Variants in TNIK observed in about 807,000 individuals in gnomAD.
TNIK encodes the protein TRAF2 and NCK interacting kinase.
Under a neutral mutation model 191.3 loss-of-function variants are expected in TNIK, and 49 were observed. The ratio of observed to expected loss-of-function variants is 0.26; its 90% CI spans 0.20 to 0.32. The LOEUF (loss-of-function observed/expected upper bound fraction) is 0.32, where lower values mean the gene tolerates loss of function less well. TNIK is among the 10% of genes least tolerant of loss of function. The pLI is 1.00. For synonymous variants in TNIK, 594 were observed against 600.9 expected (o/e 0.99, Z 0.17); for missense variants, 1,155 against 1,702.3 (o/e 0.68, Z 5.66).
At chr3:171,083,126 A>G (rs772727014) in intron 26 of TNIK, among the ~76,000 whole-genome samples, 22 of 152,182 alleles carry the variant, frequency 1.4e-4, no homozygotes, top group African/African-American at 2.4e-4. Context: ...AGGGAAATGT[A>G]TCATCCACCC....
intron 1 of TNIK, among the ~76,000 whole-genome samples, chr3:171,416,022 AAAAG>A (rs2108616766): frequency 6.6e-6 from 1 of 151,138 alleles, no homozygotes; most frequent in Non-Finnish European, 1.5e-5. Flanking sequence ...GAAAGGAAGA[AAAAG>A]AAAAAGAAAG....
intron 32 of TNIK, among the ~76,000 whole-genome samples, chr3:171,065,686 A>G (rs1467609583): frequency 6.6e-6 from 1 of 152,218 alleles, no homozygotes; most frequent in Non-Finnish European, 1.5e-5. Flanking sequence ...GAATGACACA[A>G]GACATGGCAC....
chr3:171,223,559 C>T (rs1003569900), intron 3 of TNIK, among the ~76,000 whole-genome samples: 4 of 152,132 alleles, frequency 2.6e-5, no homozygotes, highest in South Asian at 2.1e-4. Context: ...TTACATTGCT[C>T]AGGCTGAAAT....
chr3:171,346,976 T>A, intron 2 of TNIK: 1 of 601,378 alleles, frequency 1.7e-6, no homozygotes, highest in Non-Finnish European at 2.8e-6. Context: ...GGCTGCACAG[T>A]AGGAATGTAG....
intron 15 of TNIK, among the ~76,000 whole-genome samples, chr3:171,133,972 A>T (rs1277326458): frequency 1.3e-5 from 2 of 152,186 alleles, no homozygotes; most frequent in Non-Finnish European, 1.5e-5. Context: ...ATACAATCTC[A>T]TGCAATACTC....
intron 1 of TNIK, among the ~76,000 whole-genome samples, chr3:171,420,213 T>C (rs936340486): frequency 6.6e-6 from 1 of 152,190 alleles, no homozygotes; most frequent in Non-Finnish European, 1.5e-5. Flanking sequence ...TTTTGGGATA[T>C]GCAGAAGAAA....
chr3:171,222,922 TAAAAAAAGAA>T (rs1742531543), intron 3 of TNIK, among the ~76,000 whole-genome samples: 3 of 151,990 alleles, frequency 2.0e-5, no homozygotes, highest in Non-Finnish European at 2.9e-5. Context: ...ACCCTTGGTT[TAAAAAAAGAA>T]AAGAAAAGAA....
intron 2 of TNIK, among the ~76,000 whole-genome samples, chr3:171,243,076 C>G (rs1745169892): frequency 6.6e-6 from 1 of 152,118 alleles, no homozygotes; most frequent in Non-Finnish European, 1.5e-5. Context: ...TTTTAGCTCT[C>G]ATGGTTTTCA....
rs548573758 is a variant in TNIK at position 171,209,741 on chromosome 3, G to GA, written c.306+1374dup. ...TTTAAATTTGGAGATGAGCCTTATG[G>GA]AAAAAAAAAATCCCAATGGTTCTTT... On this transcript the variant is annotated intron_variant, in intron 4 of 32. Coordinates refer to ENST00000436636, the MANE Select transcript of TNIK (RefSeq NM_015028.4). Among the ~76,000 whole-genome samples, 678 of 149,148 alleles carry GA rather than the reference G, an allele frequency of 4.5e-3. 5 individuals are homozygous for GA. Among genetic ancestry groups the GA allele is most frequent in the African/African-American group, 0.015 (610 of 40,778 alleles).
chr3:171,191,119 C>T (rs895630553), intron 5 of TNIK, among the ~76,000 whole-genome samples: 2 of 152,126 alleles, frequency 1.3e-5, no homozygotes, highest in East Asian at 1.9e-4. Flanking sequence ...CTGTGAAAAG[C>T]GAAGTTTAAA....
intron 14 of TNIK, among the ~76,000 whole-genome samples, chr3:171,138,948 C>T (rs1279544436): frequency 6.6e-6 from 1 of 152,040 alleles, no homozygotes; most frequent in African/African-American, 2.4e-5. Flanking sequence ...GAGAGCAGTG[C>T]TATAATAATA....
At chr3:171,406,507 G>A (rs1399469483) in intron 1 of TNIK, among the ~76,000 whole-genome samples, 1 of 152,090 alleles carries the variant, frequency 6.6e-6, no homozygotes, top group African/African-American at 2.4e-5. Context: ...ATAGCTTACT[G>A]TAACCGTGAG....
intron 3 of TNIK, among the ~76,000 whole-genome samples, chr3:171,212,613 C>T (rs1332546256): frequency 1.3e-5 from 2 of 152,146 alleles, no homozygotes; most frequent in Admixed American, 1.3e-4. Flanking sequence ...AGAATTGCCA[C>T]CCACATTTAT....
rs772353597 is a variant in TNIK at position 171,460,005 on chromosome 3, A to G, written c.57+2T>C. 6.2e-7 allele frequency: 1 copy of G among 1,607,108 alleles called. No individual in the cohort carries two copies. The highest frequency in any genetic ancestry group is 1.7e-5 in the Admixed American group (1 of 59,312). On this transcript the variant is annotated splice_donor_variant, in intron 1 of 32. Transcript: ENST00000436636. LOFTEE classifies it high-confidence loss of function. This position sits in a 1 kb window ranked among gnomAD's most constrained non-coding sequence, Gnocchi z 6.8. ...AAAGAAACCAGAAAACGTCCTGCTC[A>G]CCCTCAGAGCCGAGAGATCTATTTC...
chr3:171,435,226 C>T (rs920715036), intron 1 of TNIK, among the ~76,000 whole-genome samples: 1 of 152,222 alleles, frequency 6.6e-6, no homozygotes, highest in Non-Finnish European at 1.5e-5. Context: ...CCCAGTGAGG[C>T]TTCCTCTGGC....
chr3:171,276,705 G>T (rs1749792196), intron 2 of TNIK, among the ~76,000 whole-genome samples: 1 of 152,122 alleles, frequency 6.6e-6, no homozygotes, highest in Non-Finnish European at 1.5e-5. Flanking sequence ...AGTGGAGAGT[G>T]CAGGGGTGCC....
chr3:171,193,943 T>A (rs1008868856), intron 5 of TNIK, among the ~76,000 whole-genome samples: 2 of 152,192 alleles, frequency 1.3e-5, no homozygotes, highest in Non-Finnish European at 2.9e-5. Flanking sequence ...GTGGGAAAAC[T>A]GGGCAAACAG....
At chr3:171,175,760 C>G (rs189425797) in intron 8 of TNIK, among the ~76,000 whole-genome samples, 1 of 152,188 alleles carries the variant, frequency 6.6e-6, no homozygotes, top group Non-Finnish European at 1.5e-5. Context: ...ATTTCTTACA[C>G]GTCGACAGCT....
At chr3:171,369,732 G>A in intron 1 of TNIK, 47 bp from the exon 2 acceptor site, 2 of 1,461,740 alleles carry the variant, frequency 1.4e-6, no homozygotes, top group Middle Eastern at 1.7e-4. Flanking sequence ...AATATTCCAG[G>A]CATTGCCTTA....
Sources: gnomAD v4.1 joint callset for allele counts (sites outside exome capture counted in the v4.1 genomes callset) on GRCh38, gnomAD v4.1.1 for gene constraint, Gnocchi (gnomAD v3.1) non-coding constraint, MANE v1.5 for transcripts, NCBI Gene and HGNC (gene_info 2026-07-23, HGNC 2026-07-21) for gene names.